Variants in MUS81 observed in about 807,000 individuals in gnomAD.
MUS81 encodes the protein structure-specific endonuclease subunit MUS81.
In MUS81, 69 loss-of-function variants were observed where a neutral mutation model predicts 74.2. That is an observed-to-expected ratio of 0.93 (90% CI 0.77 to 1.14). The LOEUF (loss-of-function observed/expected upper bound fraction) is 1.14. MUS81 is among the 50% of genes most tolerant of loss of function. MUS81 has a pLI of 0.00. For missense variants in MUS81, 711 were observed against 726.5 expected (o/e 0.98, Z 0.25); for synonymous variants, 303 against 300.6 (o/e 1.01, Z -0.08).
At chr11:65,867,016 C>T (rs146879673), downstream of MUS81, 19 of 1,614,054 alleles carry the variant, frequency 1.2e-5, no homozygotes, top group Middle Eastern at 1.6e-4. Context: ...AGGTCCAGCA[C>T]GTACTCCCGG....
chr11:65,862,118 G>A (rs1158630564), intron 4 of MUS81, 73 bp downstream of exon 4: 1 of 1,585,524 alleles, frequency 6.3e-7, no homozygotes, highest in Non-Finnish European at 8.6e-7. Flanking sequence ...GCCTGGCCCA[G>A]GCAGGGCAGG....
rs754116311 is a variant in MUS81, at chr11:65,865,288, A to G, written c.1470A>G (p.Ala490=). 5.6e-6 allele frequency: 9 copies of G among 1,614,022 alleles called. No individual in the cohort carries two copies. The highest frequency in any genetic ancestry group is 7.6e-6 in the Non-Finnish European group (9 of 1,180,012). Residue 490 remains alanine (A), a synonymous_variant, in exon 14 of 16, where the codon GCA becomes GCG. Transcript: ENST00000308110. The part of the protein sequence containing the change: ...MQVRGVSGEK[A]AALVDRYSTP... ...TGCGCGGAGTGAGTGGGGAGAAGGCAGCAGCCCTGGTGGATCGATACAGCA... is the reference window on the plus strand; with the variant it reads ...TGCGCGGAGTGAGTGGGGAGAAGGCGGCAGCCCTGGTGGATCGATACAGCA...
intron 6 of MUS81, 85 bp downstream of exon 6, chr11:65,862,614 A>T: frequency 1.4e-5 from 18 of 1,268,086 alleles, no homozygotes; most frequent in Non-Finnish European, 1.8e-5. Context: ...CCCAGAGCTG[A>T]TGCTGTTGAG....
Position 65,863,716 on chromosome 11 carries a change from AC to A in MUS81, c.959del (p.Pro320GlnfsTer37), listed in dbSNP as rs764542245. Reference sequence around the variant, plus strand: ...GTGGCCCAGGAGACCAATCCTAGAGACCCAGGTGAAGGGCCGTGGACAGGCT... The same window carrying A: ...GTGGCCCAGGAGACCAATCCTAGAGACCAGGTGAAGGGCCGTGGACAGGCT... ...VWVAQETNPR[D>X]PANPGELVLD... On this transcript the variant is annotated frameshift_variant, in exon 9 of 16. Transcript: ENST00000308110. LOFTEE classifies it high-confidence loss of function. 1.9e-6 allele frequency: 3 copies of A among 1,613,782 alleles called. No homozygotes were observed. Among genetic ancestry groups the A allele is most frequent in the Admixed American group, 1.7e-5 (1 of 59,996 alleles).
chr11:65,861,575 C>T (rs1859607674), intron 3 of MUS81, 140 bp downstream of exon 3: 2 of 672,438 alleles, frequency 3.0e-6, no homozygotes, highest in African/African-American at 3.6e-5. Flanking sequence ...CTCTTTTCGA[C>T]TTAGTATTTT....
intron 14 of MUS81, chr11:65,865,576 T>C: frequency 1.6e-6 from 1 of 625,400 alleles, no homozygotes; most frequent in South Asian, 2.0e-5. Flanking sequence ...GGAGAAGGGG[T>C]TGGGCCATTA....
At position 65,862,478 on chromosome 11, in the gene MUS81, T is replaced by A. The variant is rs1176196212; in HGVS notation, c.554T>A (p.Leu185His). The A allele has an allele frequency of 6.2e-7, 1 of 1,613,688 alleles. No homozygotes were observed. The highest frequency in any genetic ancestry group is 8.5e-7 in the Non-Finnish European group (1 of 1,179,966). ...APGSARPWPA[L>H]RSLLHRNLVL... The stretch of plus-strand genomic sequence containing the variant: ...GGGAGTGCTCGACCCTGGCCAGCCC[T>A]CCGCTCCCTCCTTCACAGGAACCTG... Residue 185 changes from leucine to histidine, a missense_variant, in exon 6 of 16, where the codon CTC becomes CAC. By Grantham distance (99) the Leu-to-His change is moderately conservative. Coordinates refer to ENST00000308110, the MANE Select transcript of MUS81 (RefSeq NM_025128.5).
At position 65,865,858 on chromosome 11, in the gene MUS81, C is replaced by T; in HGVS notation, c.1553C>T (p.Thr518Ile). The change falls in exon 15 of 16, where the codon ACA becomes ATA. Residue 518 changes from threonine (T) to isoleucine (I), a missense_variant. Thr to Ile is a moderately conservative substitution (Grantham distance 89). Transcript: ENST00000308110. ...DACATPKEQE[T>I]LLSTIKCGRL... Reference sequence around the variant, plus strand: ...TGTGCCACCCCCAAGGAACAAGAGACACTGCTGAGCACCATTAAGTGTGGG... The same window carrying T: ...TGTGCCACCCCCAAGGAACAAGAGATACTGCTGAGCACCATTAAGTGTGGG... 1 of 1,614,182 alleles carries T rather than the reference C, an allele frequency of 6.2e-7. No homozygotes were observed. Among genetic ancestry groups the T allele is most frequent in the Non-Finnish European group, 8.5e-7 (1 of 1,180,022 alleles).
chr11:65,861,241 C>A, intron 2 of MUS81, 109 bp from the exon 3 acceptor site: 1 of 1,535,738 alleles, frequency 6.5e-7, no homozygotes, highest in Non-Finnish European at 8.8e-7. Context: ...GCTGGCGCTC[C>A]CTGAGCCTCC....
chr11:65,864,315 A>G (rs1221821804), intron 10 of MUS81, 182 bp from the exon 11 acceptor site: 4 of 627,604 alleles, frequency 6.4e-6, no homozygotes, highest in Non-Finnish European at 1.1e-5. Context: ...CTTTCTAGAC[A>G]AGAGTGTCAG....
chr11:65,862,156 G>A (rs1264601736), intron 4 of MUS81, 55 bp from the exon 5 acceptor site: 1 of 1,599,874 alleles, frequency 6.3e-7, no homozygotes, highest in Non-Finnish European at 8.6e-7. Context: ...ACCTGAGCGG[G>A]ATGAGGAGGG....
chr11:65,866,426 A>C lies in MUS81; in HGVS notation c.*374A>C, dbSNP rs1334120855. The C allele has an allele frequency of 3.4e-5, 22 of 649,438 alleles. No individual in the cohort carries two copies. The highest frequency in any genetic ancestry group is 5.2e-5 in the Non-Finnish European group (19 of 365,278). The allele number at this position is 649,438 out of a possible 1,614,324, so 40.2% of individuals were successfully genotyped here. On this transcript the variant is annotated 3_prime_UTR_variant, in exon 16 of 16. Transcript: ENST00000308110. ...AAATAAATAAAACTTCCTAAAAGAAAAGATTGAAAACCACTAACAGTCCAG... is the reference window on the plus strand; with the variant it reads ...AAATAAATAAAACTTCCTAAAAGAACAGATTGAAAACCACTAACAGTCCAG...
Position 65,866,070 on chromosome 11 carries a change from GC to G in MUS81, c.*23del. 1 of 1,610,308 alleles carries G rather than the reference GC, an allele frequency of 6.2e-7. No homozygotes were observed. Among genetic ancestry groups the G allele is most frequent in the Non-Finnish European group, 8.5e-7 (1 of 1,178,102 alleles). On this transcript the variant is annotated 3_prime_UTR_variant, in exon 16 of 16. Transcript: ENST00000308110. ...TGACCTGAGCTTATGCCGTGAAACA[GC>G]CCCCAGCCCCCGTCTGTCCCCCAAC...
rs776093923 is a variant in MUS81 at position 65,863,150 on chromosome 11, C to T, written c.691C>T (p.Pro231Ser). The part of the protein sequence containing the change: ...GLSLLNVGIG[P>S]KEPPGEETAV... ...GAGCTTGCTGAATGTGGGCATCGGGCCCAAGGAGCCCCCTGGGGAGGAGAC... is the reference window on the plus strand; with the variant it reads ...GAGCTTGCTGAATGTGGGCATCGGGTCCAAGGAGCCCCCTGGGGAGGAGAC... The change falls in exon 7 of 16, where the codon CCC (proline) becomes TCC (serine). Residue 231 changes from proline to serine, a missense_variant. By Grantham distance (74) the Pro-to-Ser change is moderately conservative. Transcript: ENST00000308110. 16 of 1,613,920 alleles carry T rather than the reference C, an allele frequency of 9.9e-6. No individual in the cohort carries two copies. In the African/African-American group the frequency reaches 2.0e-4, roughly 20 times the overall value.
chr11:65,862,077 C>A (rs750171300), intron 4 of MUS81, 32 bp downstream of exon 4: 1 of 1,601,164 alleles, frequency 6.2e-7, no homozygotes, highest in Non-Finnish European at 8.5e-7. Flanking sequence ...GAGGCGGAAC[C>A]ATGGCAGTGG....
Position 65,865,035 on chromosome 11 carries a change from C to T in MUS81, c.1291C>T (p.Arg431Cys), listed in dbSNP as rs763130846. 1.6e-5 allele frequency: 26 copies of T among 1,613,860 alleles called. No homozygotes were observed. The East Asian group carries it at 4.5e-4, about 28-fold the overall frequency. Residue 431 changes from arginine (R) to cysteine (C), a missense_variant, in exon 13 of 16, where the codon CGC (arginine) becomes TGC (cysteine). Transcript: ENST00000308110. ...CCCTCAGGGCCACACCCTACGCAGCCGCCCCTGGGGAACCCCTGGGAACCC... is the reference window on the plus strand; with the variant it reads ...CCCTCAGGGCCACACCCTACGCAGCTGCCCCTGGGGAACCCCTGGGAACCC... ...RLYQGHTLRS[R>C]PWGTPGNPES...
At chr11:65,862,671 C>G (rs1226574334) in intron 6 of MUS81, 142 bp downstream of exon 6, 3 of 806,272 alleles carry the variant, frequency 3.7e-6, no homozygotes, top group Non-Finnish European at 6.0e-6. Flanking sequence ...TGTTGGAATA[C>G]CTGGAGGGTG....
Position 65,860,502 on chromosome 11 carries a change from G to C in MUS81, c.-252G>C. Reference sequence around the variant, plus strand: ...CGTCTCAAAGGCTGGCTGGAGTGGAGCCAAGGGAAAAGATCGTTAGAGACA... The same window carrying C: ...CGTCTCAAAGGCTGGCTGGAGTGGACCCAAGGGAAAAGATCGTTAGAGACA... On this transcript the variant is annotated 5_prime_UTR_variant, in exon 1 of 16. Transcript: ENST00000308110. 1.7e-6 allele frequency: 1 copy of C among 585,524 alleles called. No individual in the cohort carries two copies. The highest frequency in any genetic ancestry group is 1.9e-5 in the South Asian group (1 of 51,442). 36.3% of individuals were successfully genotyped at this position (585,524 alleles called of 1,614,324 possible).
rs1195281328 is a variant in MUS81 at position 65,866,423 on chromosome 11, GAA to G, written c.*374_*375del. 2 of 648,862 alleles carry G rather than the reference GAA, an allele frequency of 3.1e-6. No individual in the cohort carries two copies. The highest frequency in any genetic ancestry group is 2.7e-5 in the Admixed American group (1 of 37,052). 40.2% of individuals were successfully genotyped at this position (648,862 alleles called of 1,614,324 possible). Reference sequence around the variant, plus strand: ...TAAAAATAAATAAAACTTCCTAAAAGAAAAGATTGAAAACCACTAACAGTCCA... The same window carrying G: ...TAAAAATAAATAAAACTTCCTAAAAGAAGATTGAAAACCACTAACAGTCCA... On this transcript the variant is annotated 3_prime_UTR_variant, in exon 16 of 16. Transcript: ENST00000308110.
Sources: allele counts gnomAD v4.1 joint callset, GRCh38; gene constraint gnomAD v4.1.1; transcripts MANE v1.5; gene names NCBI Gene and HGNC (gene_info 2026-07-23, HGNC 2026-07-21).